The following CAMK1D variants were observed in gnomAD, a reference collection of about 807,000 sequenced individuals.
The protein encoded by CAMK1D is calcium/calmodulin dependent protein kinase ID.
In CAMK1D, 9 loss-of-function variants were observed where a neutral mutation model predicts 47.7. That is an observed-to-expected ratio of 0.19 (90% confidence interval 0.11 to 0.33). CAMK1D has a LOEUF of 0.33. CAMK1D is among the 10% of genes least tolerant of loss of function. The pLI is 1.00. For synonymous variants in CAMK1D, 184 were observed against 184.9 expected, an observed-to-expected ratio of 0.99 and a Z score of 0.04; for missense variants, 291 against 488.7, an observed-to-expected ratio of 0.60 and a Z score of 3.81.
intron 5 of CAMK1D, among the ~76,000 whole-genome samples, chr10:12,789,357 C>CA (rs1186836478): frequency 1.3e-5 from 2 of 152,220 alleles, no homozygotes; most frequent in African/African-American, 4.8e-5. Context: ...AAGACGCTCT[C>CA]ACCTTAGCAA....
Position 12,349,783 on chromosome 10 carries a change from G to C in CAMK1D, c.-36G>C. 1 of 1,182,754 alleles carries C rather than the reference G, an allele frequency of 8.5e-7. No homozygotes were observed. 73.3% of individuals were successfully genotyped at this position (1,182,754 alleles called of 1,614,324 possible). On this transcript the variant is annotated 5_prime_UTR_variant, in exon 1 of 11. Coordinates refer to ENST00000619168, the MANE Select transcript of CAMK1D (RefSeq NM_153498.4). ...GCCCCCGGCGCCCCCTCCCCAGCGCGCCCCCGGCCGCTCCTCCGCGCCGCG... is the reference window on the plus strand; with the variant it reads ...GCCCCCGGCGCCCCCTCCCCAGCGCCCCCCCGGCCGCTCCTCCGCGCCGCG...
chr10:12,727,025 C>T (rs1834673059), intron 3 of CAMK1D, among the ~76,000 whole-genome samples: 1 of 152,262 alleles, frequency 6.6e-6, no homozygotes, highest in African/African-American at 2.4e-5. Flanking sequence ...CCAGGCTCCC[C>T]TTCCGCGTTA....
At chr10:12,633,836 C>T (rs1025071091) in intron 2 of CAMK1D, among the ~76,000 whole-genome samples, 1 of 152,214 alleles carries the variant, frequency 6.6e-6, no homozygotes, top group East Asian at 1.9e-4. Flanking sequence ...GGATTACAAG[C>T]GTCAGCCAAC....
intron 10 of CAMK1D, 113 bp from the exon 11 acceptor site, chr10:12,828,654 AAT>A: frequency 1.6e-6 from 1 of 615,208 alleles, no homozygotes; most frequent in South Asian, 1.6e-5. Flanking sequence ...AAAAAAAAAA[AAT>A]TGGGCCCCCC....
At chr10:12,796,770 A>G (rs1006386778) in intron 6 of CAMK1D, among the ~76,000 whole-genome samples, 16 of 152,272 alleles carry the variant, frequency 1.1e-4, no homozygotes, top group African/African-American at 3.9e-4. Context: ...ACGGTGCCTC[A>G]TTCAGGCCAC....
chr10:12,779,746 G>T (rs779723192), intron 5 of CAMK1D, among the ~76,000 whole-genome samples: 1 of 151,150 alleles, frequency 6.6e-6, no homozygotes, highest in Non-Finnish European at 1.5e-5. Flanking sequence ...TTTTTTTTTT[G>T]AGCCTTATTC....
At chr10:12,679,107 A>G (rs1033557180) in intron 3 of CAMK1D, among the ~76,000 whole-genome samples, 2 of 152,202 alleles carry the variant, frequency 1.3e-5, no homozygotes, top group Admixed American at 6.5e-5. Flanking sequence ...TCTAAATACC[A>G]TCTTACGCAT....
At chr10:12,410,052 T>C (rs948901742) in intron 1 of CAMK1D, among the ~76,000 whole-genome samples, 1 of 152,264 alleles carries the variant, frequency 6.6e-6, no homozygotes, top group Admixed American at 6.5e-5. Context: ...TTTCTATGGT[T>C]GAATAATATT....
At chr10:12,761,554 A>G (rs1836508904) in intron 4 of CAMK1D, among the ~76,000 whole-genome samples, 1 of 152,100 alleles carries the variant, frequency 6.6e-6, no homozygotes, top group Non-Finnish European at 1.5e-5. Flanking sequence ...GCAGATATAG[A>G]AGAGGGAGAA....
chr10:12,505,633 T>G (rs1834846773), intron 1 of CAMK1D, among the ~76,000 whole-genome samples: 1 of 152,224 alleles, frequency 6.6e-6, no homozygotes, highest in Admixed American at 6.5e-5. Flanking sequence ...TCTGGCATAT[T>G]TTCACAACAA....
intron 2 of CAMK1D, among the ~76,000 whole-genome samples, chr10:12,566,472 T>C (rs983949372): frequency 6.6e-5 from 10 of 152,302 alleles, no homozygotes; most frequent in African/African-American, 2.4e-4. Context: ...CTGTGAAAAC[T>C]CTTGCTTTCC....
At position 12,634,700 on chromosome 10, in the gene CAMK1D, G is replaced by A. The variant is rs74328696; in HGVS notation, c.225-32036G>A. On this transcript the variant is annotated intron_variant, in intron 2 of 10. Transcript: ENST00000619168. ...TGTCACTACGAGTCTTGACTTTCTC[G>A]TCATGCTGGTGTTTCACAACCTTGT... 4.3e-4 allele frequency among the ~76,000 whole-genome samples: 65 copies of A among 152,162 alleles called. 3 individuals are homozygous for A. The East Asian group carries it at 0.012, about 27-fold the overall frequency.
chr10:12,788,908 T>C (rs1218237198), intron 5 of CAMK1D, among the ~76,000 whole-genome samples: 3 of 152,200 alleles, frequency 2.0e-5, no homozygotes, highest in Non-Finnish European at 2.9e-5. Context: ...ATTTTGCTCT[T>C]GTTTAAAAAA....
At position 12,520,973 on chromosome 10, in the gene CAMK1D, A is replaced by G. The variant is rs868217077; in HGVS notation, c.93-32252A>G. On this transcript the variant is annotated intron_variant, in intron 1 of 10. Transcript: ENST00000619168. ...GGGGGAGGGGGAGGGGGAGGGGGAG[A>G]GCTTTATTCATTCTTAAGATTGGTA... 1.6e-3 allele frequency among the ~76,000 whole-genome samples: 33 copies of G among 20,276 alleles called. 1 individual carries two copies. Among genetic ancestry groups the G allele is most frequent in the Non-Finnish European group, 2.7e-3 (26 of 9,620 alleles). The allele number at this position is 20,276 out of a possible 152,430, so 13.3% of individuals were successfully genotyped here.
At chr10:12,799,903 T>A (rs998709952) in intron 6 of CAMK1D, among the ~76,000 whole-genome samples, 1 of 152,198 alleles carries the variant, frequency 6.6e-6, no homozygotes, top group African/African-American at 2.4e-5. Context: ...ATTTCAGTCG[T>A]GCATCAACTT....
At chr10:12,606,668 C>T (rs181325810) in intron 2 of CAMK1D, among the ~76,000 whole-genome samples, 56 of 152,276 alleles carry the variant, frequency 3.7e-4, no homozygotes, top group Admixed American at 1.1e-3. Context: ...ATGCGTTGAT[C>T]CCTGTGGCGT....
intron 5 of CAMK1D, among the ~76,000 whole-genome samples, chr10:12,774,398 C>G (rs984100507): frequency 6.6e-6 from 1 of 151,914 alleles, no homozygotes; most frequent in East Asian, 1.9e-4. Context: ...AGTGCAGAGG[C>G]CTGAAGGCAG....
chr10:12,546,642 G>A (rs538795291), intron 1 of CAMK1D, among the ~76,000 whole-genome samples: 3 of 152,158 alleles, frequency 2.0e-5, no homozygotes, highest in South Asian at 4.2e-4. Flanking sequence ...AAAAAATGAT[G>A]AGTTCATGTC....
chr10:12,366,222 C>T (rs1277329090), intron 1 of CAMK1D, among the ~76,000 whole-genome samples: 1 of 152,198 alleles, frequency 6.6e-6, no homozygotes, highest in Admixed American at 6.5e-5. Context: ...TTCTTTGGCT[C>T]TATTTCAGTG....
Sources: gnomAD v4.1 joint callset for allele counts (sites outside exome capture counted in the v4.1 genomes callset) on GRCh38, gnomAD v4.1.1 for gene constraint, MANE v1.5 for transcripts, NCBI Gene and HGNC (gene_info 2026-07-23, HGNC 2026-07-21) for gene names.